ADGRL2: variants seen among roughly 807,000 people sequenced by gnomAD.
ADGRL2 encodes calcium-independent alpha-latrotoxin receptor 2.
In ADGRL2, 44 loss-of-function variants were observed where a neutral mutation model predicts 157.4. The observed-to-expected ratio is 0.28, with a 90% CI of 0.22 to 0.36. The LOEUF (loss-of-function observed/expected upper bound fraction) is 0.36. Ranked by LOEUF, ADGRL2 falls within the 10% of genes least tolerant of loss-of-function variation. The pLI, the probability that ADGRL2 is intolerant of heterozygous loss-of-function variation, is 1.00. For missense variants in ADGRL2, 1,510 were observed against 1,768.9 expected (o/e 0.85, Z 2.63); for synonymous variants, 585 against 624.7 (o/e 0.94, Z 0.95).
intron 3 of ADGRL2, among the ~76,000 whole-genome samples, chr1:81,629,014 A>C (rs1435707207): frequency 6.6e-6 from 1 of 152,206 alleles, no homozygotes. Context: ...GTTTTCTAGG[A>C]GAAAGTCATC....
At chr1:81,946,061 G>C (rs1362682873) in intron 6 of ADGRL2, among the ~76,000 whole-genome samples, 1 of 152,116 alleles carries the variant, frequency 6.6e-6, no homozygotes, top group African/African-American at 2.4e-5. Flanking sequence ...TGATAGAACA[G>C]AGCAATCAGA....
At chr1:81,438,799 C>G (rs986462236) in intron 1 of ADGRL2, among the ~76,000 whole-genome samples, 11 of 152,260 alleles carry the variant, frequency 7.2e-5, no homozygotes, top group African/African-American at 2.6e-4. Flanking sequence ...GCTTAATACA[C>G]TTCAATATAT....
upstream of ADGRL2, among the ~76,000 whole-genome samples, chr1:81,695,436 T>G (rs2083423111): frequency 6.6e-6 from 1 of 152,172 alleles, no homozygotes; most frequent in Admixed American, 6.5e-5. Flanking sequence ...TTGACTATAT[T>G]TCCATCTGGA....
At chr1:81,413,487 C>T (rs4650545) in intron 1 of ADGRL2, among the ~76,000 whole-genome samples, 57,943 of 151,768 alleles carry the variant, frequency 0.38, 11,164 homozygotes, top group East Asian at 0.49. Context: ...GCTACCATTA[C>T]GGATGCCCTT....
At chr1:81,812,368 AAC>A (rs2089963808) in intron 1 of ADGRL2, among the ~76,000 whole-genome samples, 1 of 151,764 alleles carries the variant, frequency 6.6e-6, no homozygotes, top group Non-Finnish European at 1.5e-5. Context: ...ATTATAGTGC[AAC>A]TTAATGTACT....
intron 2 of ADGRL2, among the ~76,000 whole-genome samples, chr1:81,886,332 C>T (rs1005195235): frequency 4.6e-5 from 7 of 152,144 alleles, no homozygotes; most frequent in Admixed American, 3.3e-4. Flanking sequence ...CCACCACACC[C>T]GGCTAATTTT....
At chr1:81,865,587 T>A (rs2066274) in intron 2 of ADGRL2, among the ~76,000 whole-genome samples, 38,732 of 152,124 alleles carry the variant, frequency 0.25, 5,983 homozygotes, top group Middle Eastern at 0.49. Flanking sequence ...TTACTAGTTT[T>A]GAGCCGATGG....
intron 3 of ADGRL2, among the ~76,000 whole-genome samples, chr1:81,683,312 A>G (rs1251173598): frequency 1.3e-5 from 2 of 152,084 alleles, no homozygotes; most frequent in African/African-American, 4.8e-5. Context: ...TTTTTTTTCC[A>G]TAAGTTATTG....
At chr1:81,401,413 C>G (rs1333807169) in intron 1 of ADGRL2, among the ~76,000 whole-genome samples, 1 of 80,902 alleles carries the variant, frequency 1.2e-5, no homozygotes, top group Non-Finnish European at 2.9e-5. Context: ...GAAGTTCCTC[C>G]TGGTTCCCAG....
chr1:81,912,863 G>A (rs528604191), intron 3 of ADGRL2, among the ~76,000 whole-genome samples: 11 of 152,272 alleles, frequency 7.2e-5, no homozygotes, highest in Admixed American at 1.3e-4. Flanking sequence ...AATTAGCCTT[G>A]CCTTGCATAG....
chr1:81,893,982 A>T (rs1454932954), intron 2 of ADGRL2, among the ~76,000 whole-genome samples: 1 of 152,226 alleles, frequency 6.6e-6, no homozygotes, highest in East Asian at 1.9e-4. Context: ...TTAAGGAATG[A>T]CTTTATAACC....
chr1:81,763,355 C>G (rs1262787458), intron 2 of ADGRL2, among the ~76,000 whole-genome samples: 1 of 151,658 alleles, frequency 6.6e-6, no homozygotes, highest in Non-Finnish European at 1.5e-5. Flanking sequence ...GAGGCTGAGG[C>G]AGGAGAATCA....
intron 1 of ADGRL2, among the ~76,000 whole-genome samples, chr1:81,738,811 A>C (rs1482465468): frequency 6.6e-6 from 1 of 152,198 alleles, no homozygotes; most frequent in African/African-American, 2.4e-5. Context: ...CAGCCTCTGA[A>C]CTGTGATCTT....
rs111932483 is a variant in ADGRL2 at position 81,379,785 on chromosome 1, T to C, written c.-301-65251T>C. Among the ~76,000 whole-genome samples the C allele has an allele frequency of 2.9e-3, 444 of 152,296 alleles. 7 individuals are homozygous for C. Among genetic ancestry groups the C allele is most frequent in the African/African-American group, 0.01 (428 of 41,554 alleles). On this transcript the variant is annotated intron_variant, in intron 1 of 24. Coordinates refer to the ADGRL2 transcript ENST00000370721. ...TTCCTTTGTTGTCCAGCAGCTTCTG[T>C]CTGTGCCTTGCTAGGATCTCGAGTT... is the stretch of plus-strand genomic sequence containing the variant.
chr1:81,888,754 C>CT (rs1293565787), intron 2 of ADGRL2, among the ~76,000 whole-genome samples: 17 of 152,130 alleles, frequency 1.1e-4, no homozygotes, highest in Admixed American at 2.0e-4. Flanking sequence ...GCCCGGCCTG[C>CT]TTTTTTTATA....
At chr1:81,885,167 T>A (rs926970515) in intron 2 of ADGRL2, among the ~76,000 whole-genome samples, 12 of 152,194 alleles carry the variant, frequency 7.9e-5, no homozygotes, top group African/African-American at 2.9e-4. Context: ...GAAGGAAAAC[T>A]GTTTTTAGCT....
chr1:81,376,945 G>A (rs945622846), intron 1 of ADGRL2, among the ~76,000 whole-genome samples: 4 of 152,194 alleles, frequency 2.6e-5, no homozygotes, highest in Admixed American at 6.5e-5. Context: ...CCAGCACTTT[G>A]AGAAACCGAG....
At chr1:81,973,636 T>G (rs1659390207) in intron 17 of ADGRL2, among the ~76,000 whole-genome samples, 1 of 152,212 alleles carries the variant, frequency 6.6e-6, no homozygotes, top group Non-Finnish European at 1.5e-5. Flanking sequence ...AAAGGACATT[T>G]TATTATGTTG....
intron 1 of ADGRL2, among the ~76,000 whole-genome samples, chr1:81,313,897 C>CG (rs1659928005): frequency 6.6e-6 from 1 of 152,154 alleles, no homozygotes; most frequent in Non-Finnish European, 1.5e-5. Flanking sequence ...TCTCCCAAAA[C>CG]ATCTAGTATT....
Sources: allele counts gnomAD v4.1 joint callset (sites outside exome capture counted in the v4.1 genomes callset), GRCh38; gene constraint gnomAD v4.1.1; transcripts MANE v1.5; gene names NCBI Gene and HGNC (gene_info 2026-07-23, HGNC 2026-07-21).